The following MGAT5 variants were observed in gnomAD, a reference collection of about 807,000 sequenced individuals.
The protein encoded by MGAT5 is alpha-1,6-mannosylglycoprotein 6-beta-N-acetylglucosaminyltransferase A.
MGAT5 carries 30 observed loss-of-function variants against 94.3 expected under a neutral mutation model. That is an observed-to-expected ratio of 0.32 (90% CI 0.24 to 0.43). The LOEUF is 0.43. Ranked by LOEUF, MGAT5 falls within the 20% of genes least tolerant of loss-of-function variation. The pLI is 1.00. For missense variants in MGAT5, 691 were observed against 905.5 expected, an observed-to-expected ratio of 0.76 and a Z score of 3.04; for synonymous variants, 310 against 322.9, an observed-to-expected ratio of 0.96 and a Z score of 0.43.
At chr2:134,400,346 A>AT (rs961277547) in intron 10 of MGAT5, among the ~76,000 whole-genome samples, 2 of 151,968 alleles carry the variant, frequency 1.3e-5, no homozygotes, top group Non-Finnish European at 1.5e-5. Flanking sequence ...GGCTTGAAAC[A>AT]TTTTTTTTCC....
At chr2:134,367,624 A>G (rs1680517510) in intron 10 of MGAT5, among the ~76,000 whole-genome samples, 1 of 152,234 alleles carries the variant, frequency 6.6e-6, no homozygotes, top group Non-Finnish European at 1.5e-5. Context: ...GCTCTCTCTC[A>G]GAACACATTG....
intron 9 of MGAT5, among the ~76,000 whole-genome samples, chr2:134,356,778 G>A (rs1429141493): frequency 6.6e-6 from 1 of 151,982 alleles, no homozygotes; most frequent in Non-Finnish European, 1.5e-5. Flanking sequence ...TCCCCCTCAG[G>A]ACCTTTGCAT....
chr2:134,441,661 C>T lies in MGAT5; in HGVS notation c.1870-97C>T. On this transcript the variant is annotated intron_variant, in intron 14 of 15. Coordinates refer to ENST00000281923, the MANE Select transcript of MGAT5 (RefSeq NM_002410.5). ...CAACTCTTCCCCGTCCCTGTGCTCT[C>T]CCAGTGTGCCGCCTCCATTGCTAGG... is the stretch of plus-strand genomic sequence containing the variant. The T allele has an allele frequency of 2.1e-6, 3 of 1,416,732 alleles. No homozygotes were observed. In the Admixed American group the frequency reaches 5.9e-5, roughly 28 times the overall value. The allele number at this position is 1,416,732 out of a possible 1,614,324, so 87.8% of individuals were successfully genotyped here.
intron 9 of MGAT5, among the ~76,000 whole-genome samples, chr2:134,354,852 CCTT>C (rs374320517): frequency 6.6e-5 from 10 of 152,260 alleles, no homozygotes; most frequent in African/African-American, 1.4e-4. Context: ...CCTGCTCACT[CCTT>C]CTGTCCGCAT....
intron 2 of MGAT5, among the ~76,000 whole-genome samples, chr2:134,312,447 G>C (rs983055662): frequency 6.6e-6 from 1 of 152,034 alleles, no homozygotes; most frequent in African/African-American, 2.4e-5. Context: ...GGACTCCTTG[G>C]GTCAGTGACT....
At chr2:134,386,820 A>G (rs1163218906) in intron 10 of MGAT5, among the ~76,000 whole-genome samples, 3 of 152,238 alleles carry the variant, frequency 2.0e-5, no homozygotes, top group African/African-American at 7.2e-5. Flanking sequence ...TGCATTAGAT[A>G]AAGGGGTAGA....
At chr2:134,335,357 G>C (rs914409599) in intron 4 of MGAT5, among the ~76,000 whole-genome samples, 6 of 152,228 alleles carry the variant, frequency 3.9e-5, no homozygotes, top group Middle Eastern at 3.4e-3. Flanking sequence ...TAGTAAACGG[G>C]TGATAATGCT....
chr2:134,132,969 CTTA>C (rs978014441), intron 1 of MGAT5, among the ~76,000 whole-genome samples: 4 of 152,212 alleles, frequency 2.6e-5, no homozygotes, highest in African/African-American at 9.6e-5. Context: ...GCCCCCCCTT[CTTA>C]ATTTATTTTT....
At chr2:134,156,925 C>T (rs1291005981) in intron 1 of MGAT5, among the ~76,000 whole-genome samples, 1 of 152,134 alleles carries the variant, frequency 6.6e-6, no homozygotes, top group Non-Finnish European at 1.5e-5. Context: ...AGGTAGCTCG[C>T]TTCTTGTCAG....
chr2:134,164,804 C>G (rs969146085), intron 1 of MGAT5, among the ~76,000 whole-genome samples: 1 of 150,566 alleles, frequency 6.6e-6, no homozygotes, highest in African/African-American at 2.4e-5. Flanking sequence ...AATAGCCACT[C>G]TGTTCCAGCC....
intron 10 of MGAT5, among the ~76,000 whole-genome samples, chr2:134,387,500 G>C (rs1253562042): frequency 6.6e-6 from 1 of 151,394 alleles, no homozygotes; most frequent in Non-Finnish European, 1.5e-5. Flanking sequence ...AGCAGAAACA[G>C]GAGTCTATTC....
At chr2:134,196,440 A>G (rs532310544) in intron 1 of MGAT5, among the ~76,000 whole-genome samples, 84 of 151,658 alleles carry the variant, frequency 5.5e-4, no homozygotes, top group African/African-American at 2.0e-3. Flanking sequence ...GGAGCTTTTT[A>G]AAACACTCTT....
In MGAT5 at chr2:134,452,713, C is replaced by G. The variant is rs1220868142; in HGVS notation, c.*3866C>G. The stretch of plus-strand genomic sequence containing the variant: ...AAAGAAAAGTCTATTTTGTTAACGA[C>G]AGGCTCTGTTGTATGTGTTACTATC... On this transcript the variant is annotated 3_prime_UTR_variant, in exon 16 of 16. Coordinates refer to ENST00000281923, the MANE Select transcript of MGAT5 (RefSeq NM_002410.5). 1 of 152,340 alleles carries G rather than the reference C, an allele frequency of 6.6e-6. No homozygotes were observed. Among genetic ancestry groups the G allele is most frequent in the East Asian group, 1.9e-4 (1 of 5,184 alleles). The allele number at this position is 152,340 out of a possible 1,614,324, so 9.4% of individuals were successfully genotyped here.
intron 1 of MGAT5, among the ~76,000 whole-genome samples, chr2:134,185,431 G>T (rs528417050): frequency 6.6e-6 from 1 of 152,282 alleles, no homozygotes; most frequent in South Asian, 2.1e-4. Flanking sequence ...GATTGCTGAT[G>T]CAGGAAAACA....
At chr2:134,241,839 C>G (rs1375706930) in intron 1 of MGAT5, among the ~76,000 whole-genome samples, 1 of 152,126 alleles carries the variant, frequency 6.6e-6, no homozygotes, top group African/African-American at 2.4e-5. Context: ...GCAAAGCCGA[C>G]CTAGAGCAAT....
chr2:134,306,151 C>A (rs72978143), intron 2 of MGAT5, among the ~76,000 whole-genome samples: 1 of 151,986 alleles, frequency 6.6e-6, no homozygotes, highest in African/African-American at 2.4e-5. Context: ...ATGATACCCA[C>A]GTGGAATATT....
chr2:134,174,298 A>T (rs1688356029), intron 1 of MGAT5, among the ~76,000 whole-genome samples: 1 of 152,256 alleles, frequency 6.6e-6, no homozygotes, highest in Admixed American at 6.5e-5. Context: ...AATGAAAGCC[A>T]CCTCAGTGGA....
intron 11 of MGAT5, among the ~76,000 whole-genome samples, chr2:134,404,715 A>G (rs1300305399): frequency 6.6e-6 from 1 of 152,212 alleles, no homozygotes; most frequent in African/African-American, 2.4e-5. Context: ...AAATAAAATG[A>G]TTTGACAATT....
intron 11 of MGAT5, 95 bp downstream of exon 11, chr2:134,403,232 A>G (rs1393658722): frequency 9.7e-6 from 13 of 1,340,076 alleles, no homozygotes; most frequent in Non-Finnish European, 9.0e-6. Context: ...ATGCTGCAAT[A>G]AACTCTTGTG....
Sources: allele counts gnomAD v4.1 joint callset (sites outside exome capture counted in the v4.1 genomes callset), GRCh38; gene constraint gnomAD v4.1.1; transcripts MANE v1.5; gene names NCBI Gene and HGNC (gene_info 2026-07-23, HGNC 2026-07-21).